CDH12: variants seen among roughly 807,000 people sequenced by gnomAD.
The protein encoded by CDH12 is cadherin-12.
A neutral mutation model predicts 74.1 loss-of-function variants in CDH12; 41 were observed. That is an observed-to-expected ratio of 0.55 (90% confidence interval 0.43 to 0.72). CDH12 has a LOEUF of 0.72. Ranked by LOEUF, CDH12 falls within the 30% of genes least tolerant of loss-of-function variation. The pLI is 0.00. For synonymous variants in CDH12, 399 were observed against 355.0 expected, an observed-to-expected ratio of 1.12 and a Z score of -1.39; for missense variants, 945 against 977.2, an observed-to-expected ratio of 0.97 and a Z score of 0.44.
chr5:22,799,486 A>G lies in CDH12; in HGVS notation c.-523+53572T>C, dbSNP rs575540301. Among the ~76,000 whole-genome samples the G allele has an allele frequency of 3.9e-5, 6 of 152,308 alleles. No individual in the cohort carries two copies. The South Asian group carries it at 1.2e-3, about 32-fold the overall frequency. ...AAATGTGTGTTTTTATTAACTTGTT[A>G]GAGTTAATGGATTGGAAACTAATAC... is the stretch of plus-strand genomic sequence containing the variant. On this transcript the variant is annotated intron_variant, in intron 1 of 14. Coordinates refer to ENST00000382254, the MANE Select transcript of CDH12 (RefSeq NM_004061.5).
chr5:22,758,378 T>A (rs1222402491), intron 1 of CDH12, among the ~76,000 whole-genome samples: 1 of 152,128 alleles, frequency 6.6e-6, no homozygotes, highest in African/African-American at 2.4e-5. Flanking sequence ...TGACAGCCAC[T>A]ATCAGTAGCA....
chr5:22,676,678 T>A (rs1425631303), intron 1 of CDH12, among the ~76,000 whole-genome samples: 1 of 152,192 alleles, frequency 6.6e-6, no homozygotes, highest in Non-Finnish European at 1.5e-5. Flanking sequence ...ATTAAGACCT[T>A]GCTCCAGACC....
At chr5:22,276,403 T>C (rs750591486) in intron 3 of CDH12, among the ~76,000 whole-genome samples, 3 of 152,184 alleles carry the variant, frequency 2.0e-5, no homozygotes, top group Non-Finnish European at 4.4e-5. Context: ...GCTCAATATG[T>C]CTTGTACTAG....
intron 8 of CDH12, among the ~76,000 whole-genome samples, chr5:21,837,990 C>T (rs936567484): frequency 1.3e-5 from 2 of 152,082 alleles, no homozygotes; most frequent in African/African-American, 2.4e-5. Flanking sequence ...CAACATACGC[C>T]GTGATTTTTT....
At chr5:21,842,435 A>G in intron 7 of CDH12, 107 bp from the exon 8 acceptor site, 1 of 681,060 alleles carries the variant, frequency 1.5e-6, no homozygotes, top group East Asian at 2.9e-5. Flanking sequence ...TCACTAACAG[A>G]GACATAATAG....
At chr5:22,428,554 C>A (rs1442981242) in intron 2 of CDH12, among the ~76,000 whole-genome samples, 1 of 152,010 alleles carries the variant, frequency 6.6e-6, no homozygotes, top group African/African-American at 2.4e-5. Context: ...AGCCAAGAAA[C>A]TGATGTGACT....
intron 3 of CDH12, among the ~76,000 whole-genome samples, chr5:22,367,925 T>C (rs1480971879): frequency 6.6e-6 from 1 of 152,256 alleles, no homozygotes; most frequent in Non-Finnish European, 1.5e-5. Context: ...CACATTTTTT[T>C]CCTGAAAATA....
chr5:21,867,642 C>G (rs1195601662), intron 6 of CDH12, among the ~76,000 whole-genome samples: 1 of 152,206 alleles, frequency 6.6e-6, no homozygotes. Flanking sequence ...TTTGGAATGG[C>G]TGTATTTACC....
chr5:21,802,335 C>G lies in CDH12; in HGVS notation c.1088G>C (p.Gly363Ala). 1.2e-6 allele frequency: 2 copies of G among 1,613,738 alleles called. No individual in the cohort carries two copies. ...CACCGTAGCTGTGTCTTTGAAAGGG[C>G]CCGCCGAGTGAAACCGGTGGTCAAG... ...LHLDHRFHSA[G>A]PFKDTATVKI... is the part of the protein sequence containing the mutation. The change falls in exon 10 of 15, where the codon GGC becomes GCC. Residue 363 changes from glycine to alanine, a missense_variant. Physicochemically the swap from Gly to Ala is moderately conservative, Grantham distance 60. Around this residue, in one of 3 missense-constraint regions of CDH12, gnomAD observed 791 missense variants for 792.8 expected, o/e 1.00. Coordinates refer to ENST00000382254, the MANE Select transcript of CDH12 (RefSeq NM_004061.5).
At chr5:22,126,588 G>A (rs1745883927) in intron 4 of CDH12, among the ~76,000 whole-genome samples, 1 of 152,160 alleles carries the variant, frequency 6.6e-6, no homozygotes, top group Admixed American at 6.5e-5. Flanking sequence ...ATCAGGAAAA[G>A]TTTGTTTTAC....
intron 9 of CDH12, among the ~76,000 whole-genome samples, chr5:21,809,440 G>A (rs1020895375): frequency 6.6e-6 from 1 of 151,968 alleles, no homozygotes; most frequent in Non-Finnish European, 1.5e-5. Context: ...TGACTATTGG[G>A]GAGGCCAATT....
chr5:22,451,375 GACCA>G (rs1745036414), intron 2 of CDH12, among the ~76,000 whole-genome samples: 1 of 151,720 alleles, frequency 6.6e-6, no homozygotes, highest in Non-Finnish European at 1.5e-5. Flanking sequence ...ATATTACTAT[GACCA>G]ACCAAGATTC....
chr5:22,460,690 A>G (rs909290797), intron 2 of CDH12, among the ~76,000 whole-genome samples: 2 of 145,830 alleles, frequency 1.4e-5, no homozygotes, highest in Non-Finnish European at 3.0e-5. Flanking sequence ...ACTTTTCTAG[A>G]GAACAGTTGA....
intron 1 of CDH12, among the ~76,000 whole-genome samples, chr5:22,640,456 TAA>T (rs1183636889): frequency 2.0e-5 from 3 of 152,234 alleles, no homozygotes. Flanking sequence ...CTTGTTTTTC[TAA>T]TTCTCCTCTA....
At chr5:21,785,847 T>C (rs1746167917) in intron 10 of CDH12, among the ~76,000 whole-genome samples, 2 of 152,188 alleles carry the variant, frequency 1.3e-5, no homozygotes, top group Admixed American at 1.3e-4. Flanking sequence ...GATAAGATCA[T>C]TGATGAAGGT....
At chr5:22,649,369 C>T (rs1163320341) in intron 1 of CDH12, among the ~76,000 whole-genome samples, 4 of 152,010 alleles carry the variant, frequency 2.6e-5, no homozygotes, top group Admixed American at 2.6e-4. Flanking sequence ...CAGATGAATG[C>T]TTTCCTTTCC....
chr5:22,740,729 C>T (rs1744987501), intron 1 of CDH12, among the ~76,000 whole-genome samples: 6 of 151,926 alleles, frequency 3.9e-5, no homozygotes, highest in Admixed American at 3.9e-4. Context: ...ACTTAATCTC[C>T]CTGAACTTGT....
intron 3 of CDH12, among the ~76,000 whole-genome samples, chr5:22,244,617 G>A: frequency 7.2e-6 from 1 of 139,584 alleles, no homozygotes; most frequent in African/African-American, 2.7e-5. Context: ...AAAGGAAGGA[G>A]GGAGGGAAGG....
At chr5:22,029,781 A>G (rs1738680972) in intron 5 of CDH12, among the ~76,000 whole-genome samples, 2 of 151,952 alleles carry the variant, frequency 1.3e-5, no homozygotes, top group South Asian at 4.1e-4. Context: ...CCAAAGGACT[A>G]TAAATCATGC....
Sources: gnomAD v4.1 joint callset for allele counts (sites outside exome capture counted in the v4.1 genomes callset) on GRCh38, gnomAD v4.1.1 for gene constraint, gnomAD v4.1.1 regional missense constraint, MANE v1.5 for transcripts, NCBI Gene and HGNC (gene_info 2026-07-23, HGNC 2026-07-21) for gene names.